The following ZNF274 variants were observed in gnomAD, a reference collection of about 807,000 sequenced individuals.
The protein encoded by ZNF274 is neurotrophin receptor-interacting factor homolog.
In ZNF274, 23 loss-of-function variants were observed where a neutral mutation model predicts 42.5. That is an observed-to-expected ratio of 0.54 (90% CI 0.39 to 0.77). The LOEUF is 0.77. Ranked by LOEUF, ZNF274 falls within the 30% of genes least tolerant of loss-of-function variation. ZNF274 has a pLI of 0.00. For missense variants in ZNF274, 679 were observed against 806.5 expected (o/e 0.84, Z 1.91); for synonymous variants, 292 against 305.4 (o/e 0.96, Z 0.46).
At chr19:58,195,219 A>G (rs963241990) in intron 4 of ZNF274, among the ~76,000 whole-genome samples, 1 of 144,938 alleles carries the variant, frequency 6.9e-6, no homozygotes, top group African/African-American at 2.6e-5. Flanking sequence ...ATACACATAT[A>G]TGTGTGTGTA....
Position 58,211,674 on chromosome 19 carries a change from C to T in ZNF274, c.967C>T (p.Leu323=). 1.2e-6 allele frequency: 2 copies of T among 1,612,952 alleles called. No homozygotes were observed. Among genetic ancestry groups the T allele is most frequent in the South Asian group, 2.2e-5 (2 of 90,982 alleles). ...RDVMLETFGH[L]VSVGWETTLE... is the part of the protein sequence containing the mutation. ...TGTGATGCTGGAGACCTTTGGGCAC[C>T]TGGTCTCTGTGGGTAAGGCTGTGCC... Residue 323 remains leucine (L), a synonymous_variant, in exon 7 of 8, where the codon CTG becomes TTG. Coordinates refer to ENST00000617501, the MANE Select transcript of ZNF274 (RefSeq NM_133502.3). The surrounding 1 kb of genome is among the most constrained non-coding windows in gnomAD (Gnocchi z 4.8).
Position 58,213,038 on chromosome 19 carries a change from T to A in ZNF274, c.1857T>A (p.Tyr619Ter), listed in dbSNP as rs765886168. Residue 619 changes from tyrosine (Y) to a stop codon, truncating the protein, a stop_gained, in exon 8 of 8, where the codon TAT (tyrosine) becomes TAA (stop). Coordinates refer to ENST00000617501, the MANE Select transcript of ZNF274 (RefSeq NM_133502.3). LOFTEE classifies it low-confidence loss of function (END_TRUNC). ...HQRTHTGERPYACNKCGKAFT... is the reference protein window; with the variant it reads ...HQRTHTGERP ...GGACTCACACCGGGGAGCGCCCATATGCATGCAACAAATGTGGAAAGGCCT... is the reference window on the plus strand; with the variant it reads ...GGACTCACACCGGGGAGCGCCCATAAGCATGCAACAAATGTGGAAAGGCCT... 5 of 1,614,014 alleles carry A rather than the reference T, an allele frequency of 3.1e-6. No homozygotes were observed. The highest frequency in any genetic ancestry group is 4.2e-6 in the Non-Finnish European group (5 of 1,179,904).
At chr19:58,193,050 T>C (rs187704132) in intron 4 of ZNF274, among the ~76,000 whole-genome samples, 14 of 152,230 alleles carry the variant, frequency 9.2e-5, no homozygotes, top group African/African-American at 2.2e-4. Flanking sequence ...TTTTTTTTTT[T>C]CCCTCAAATA....
chr19:58,188,627 A>G (rs2075732902), intron 4 of ZNF274, among the ~76,000 whole-genome samples: 1 of 44,612 alleles, frequency 2.2e-5, no homozygotes, highest in South Asian at 4.9e-4. Context: ...AAAAATATAT[A>G]TATATATATA....
At chr19:58,204,140 A>G (rs1327014886) in intron 4 of ZNF274, among the ~76,000 whole-genome samples, 2 of 152,126 alleles carry the variant, frequency 1.3e-5, no homozygotes, top group African/African-American at 4.8e-5. Flanking sequence ...CGGAACGTCT[A>G]CCCCAGCCCG....
At chr19:58,193,694 G>A (rs1050681655) in intron 4 of ZNF274, among the ~76,000 whole-genome samples, 9 of 151,992 alleles carry the variant, frequency 5.9e-5, no homozygotes, top group African/African-American at 2.2e-4. Flanking sequence ...GGGAGGCTAA[G>A]GTGGGAGGAT....
chr19:58,211,641 T>G lies in ZNF274; in HGVS notation c.934T>G (p.Tyr312Asp). 1 of 1,613,842 alleles carries G rather than the reference T, an allele frequency of 6.2e-7. No individual in the cohort carries two copies. Among genetic ancestry groups the G allele is most frequent in the Non-Finnish European group, 8.5e-7 (1 of 1,179,824 alleles). Residue 312 changes from tyrosine (Y) to aspartate (D), a missense_variant, in exon 7 of 8, where the codon TAC becomes GAC. Transcript: ENST00000617501. This position sits in a 1 kb window ranked among gnomAD's most constrained non-coding sequence, Gnocchi z 4.8. ...GCTGGGCCCGACACAGAGGACCGAG[T>G]ACCGCGATGTGATGCTGGAGACCTT... ...GLLGPTQRTE[Y>D]RDVMLETFGH...
At chr19:58,210,127 C>A in intron 6 of ZNF274, 54 bp downstream of exon 6, 1 of 1,483,632 alleles carries the variant, frequency 6.7e-7, no homozygotes, top group Non-Finnish European at 9.3e-7. Context: ...TGAGGCAGGC[C>A]CACCCCTGAG....
chr19:58,203,142 G>C (rs2075934417), intron 4 of ZNF274, among the ~76,000 whole-genome samples: 1 of 152,210 alleles, frequency 6.6e-6, no homozygotes, highest in African/African-American at 2.4e-5. Context: ...AGTACTGGTG[G>C]CCCAGTGCTG....
rs769719451 is a variant in ZNF274 at position 58,183,925 on chromosome 19, C to T, written c.-41C>T. The T allele has an allele frequency of 1.3e-6, 2 of 1,577,528 alleles. No homozygotes were observed. Among genetic ancestry groups the T allele is most frequent in the Admixed American group, 1.8e-5 (1 of 54,086 alleles). ...TCCCAACTTCGGTTTCCTCAGGACT[C>T]TGCCCACTTCCACCAGAGACACATT... is the stretch of plus-strand genomic sequence containing the variant. On this transcript the variant is annotated 5_prime_UTR_variant, in exon 2 of 8. Transcript: ENST00000617501.
rs561242626 is a variant in ZNF274 at position 58,200,796 on chromosome 19, G to A, written c.257-5924G>A. Among the ~76,000 whole-genome samples the A allele has an allele frequency of 2.0e-5, 3 of 152,246 alleles. No homozygotes were observed. The South Asian group carries it at 6.2e-4, about 32-fold the overall frequency. On this transcript the variant is annotated intron_variant, in intron 4 of 7. Transcript: ENST00000617501. Reference sequence around the variant, plus strand: ...TATGTTAGGCCGTTCTTAAATTGCTGTAAATACCTGAGACTGGGTTATTTA... The same window carrying A: ...TATGTTAGGCCGTTCTTAAATTGCTATAAATACCTGAGACTGGGTTATTTA...
intron 4 of ZNF274, among the ~76,000 whole-genome samples, chr19:58,203,547 T>C (rs905406084): frequency 1.4e-5 from 2 of 143,674 alleles, no homozygotes; most frequent in Non-Finnish European, 1.5e-5. Flanking sequence ...CACTGCACTC[T>C]AGCGTGGGCG....
chr19:58,205,151 G>T (rs748920072), intron 4 of ZNF274, among the ~76,000 whole-genome samples: 1 of 152,150 alleles, frequency 6.6e-6, no homozygotes, highest in Non-Finnish European at 1.5e-5. Context: ...GATTCATCCC[G>T]TGAAAGTAGC....
chr19:58,210,226 C>G (rs761613511), intron 6 of ZNF274, 153 bp downstream of exon 6: 14 of 579,902 alleles, frequency 2.4e-5, no homozygotes, highest in Non-Finnish European at 3.9e-5. Context: ...CTGAAGCAAT[C>G]TGAGTATGAA....
intron 4 of ZNF274, among the ~76,000 whole-genome samples, chr19:58,190,147 C>G (rs1344377439): frequency 6.8e-6 from 1 of 147,480 alleles, no homozygotes. Context: ...AAATTTATCT[C>G]TCTCTTTTTT....
At chr19:58,200,972 G>C (rs1487567951) in intron 4 of ZNF274, among the ~76,000 whole-genome samples, 1 of 151,406 alleles carries the variant, frequency 6.6e-6, no homozygotes, top group East Asian at 1.9e-4. Context: ...AGCAGCCAGA[G>C]AGAGGAAGAA....
rs1020828066 is a variant in ZNF274 at position 58,211,499 on chromosome 19, T to C, written c.853-61T>C. ...AGAACCTCCCAGCTGGCCTTTCTTC[T>C]GCCCTCATTGACAACCCTCTGACCC... is the stretch of plus-strand genomic sequence containing the variant. On this transcript the variant is annotated intron_variant, in intron 6 of 7. Coordinates refer to ENST00000617501, the MANE Select transcript of ZNF274 (RefSeq NM_133502.3). The surrounding 1 kb of genome is among the most constrained non-coding windows in gnomAD (Gnocchi z 4.8). 3 of 1,555,032 alleles carry C rather than the reference T, an allele frequency of 1.9e-6. No homozygotes were observed. The African/African-American group carries it at 4.1e-5, about 21-fold the overall frequency.
intron 4 of ZNF274, among the ~76,000 whole-genome samples, chr19:58,206,408 C>A (rs887146038): frequency 3.3e-5 from 5 of 152,140 alleles, no homozygotes; most frequent in Admixed American, 1.3e-4. Context: ...GGGACATATG[C>A]TTTCAATTTT....
Position 58,213,538 on chromosome 19 carries a change from T to C in ZNF274, c.*395T>C, listed in dbSNP as rs753377845. ...AGGATTAAAAGATAATGTGGATAAA[T>C]AAACTATTGATCTATGTCTGTGTAG... On this transcript the variant is annotated 3_prime_UTR_variant, in exon 8 of 8. Coordinates refer to ENST00000617501, the MANE Select transcript of ZNF274 (RefSeq NM_133502.3). The C allele has an allele frequency of 2.8e-4, 50 of 178,246 alleles. No individual in the cohort carries two copies. Among genetic ancestry groups the C allele is most frequent in the Non-Finnish European group, 5.7e-4 (47 of 82,410 alleles). The allele number at this position is 178,246 out of a possible 1,614,324, so 11.0% of individuals were successfully genotyped here.
Sources: allele counts gnomAD v4.1 joint callset (sites outside exome capture counted in the v4.1 genomes callset), GRCh38; gene constraint gnomAD v4.1.1; non-coding constraint Gnocchi (gnomAD v3.1); transcripts MANE v1.5; gene names NCBI Gene and HGNC (gene_info 2026-07-23, HGNC 2026-07-21).